PTK2: variants seen among roughly 807,000 people sequenced by gnomAD.
PTK2 encodes focal adhesion kinase 1.
In PTK2, 45 loss-of-function variants were observed where a neutral mutation model predicts 150.1. That is an observed-to-expected ratio of 0.30 (90% CI 0.24 to 0.38). The LOEUF (loss-of-function observed/expected upper bound fraction) is 0.38, where lower values mean the gene tolerates loss of function less well. PTK2 is among the 10% of genes least tolerant of loss of function. The probability of loss-of-function intolerance (pLI) is 1.00; values close to 1 mark genes in which losing one functional copy is unlikely to be tolerated. For synonymous variants in PTK2, 432 were observed against 449.2 expected (o/e 0.96, Z 0.48); for missense variants, 919 against 1,307.3 (o/e 0.70, Z 4.58).
intron 14 of PTK2, among the ~76,000 whole-genome samples, chr8:140,784,762 A>G (rs1018978405): frequency 3.3e-5 from 5 of 152,234 alleles, no homozygotes; most frequent in Non-Finnish European, 5.9e-5. Context: ...TCAGAACAAT[A>G]CAGGCAGGGA....
At chr8:140,937,598 A>C (rs1015077921) in intron 1 of PTK2, among the ~76,000 whole-genome samples, 27 of 151,776 alleles carry the variant, frequency 1.8e-4, no homozygotes, top group African/African-American at 3.1e-4. Flanking sequence ...AAAAAAAAAA[A>C]ACACAAAAAA....
At chr8:140,755,111 T>C (rs1156929801) in intron 16 of PTK2, among the ~76,000 whole-genome samples, 4 of 152,124 alleles carry the variant, frequency 2.6e-5, no homozygotes, top group African/African-American at 9.6e-5. Context: ...AACAAATAAA[T>C]GTAGAAAAAA....
chr8:140,757,112 T>C (rs2100066310), intron 16 of PTK2, among the ~76,000 whole-genome samples: 1 of 152,246 alleles, frequency 6.6e-6, no homozygotes, highest in African/African-American at 2.4e-5. Context: ...CTAACCCTGC[T>C]ATTACCTGTG....
intron 3 of PTK2, among the ~76,000 whole-genome samples, chr8:140,880,368 T>C (rs1463734883): frequency 6.6e-6 from 1 of 152,192 alleles, no homozygotes; most frequent in Non-Finnish European, 1.5e-5. Flanking sequence ...ACAGGTTAAG[T>C]GTTAGAACTG....
At chr8:140,996,350 G>C (rs2100197793) in intron 1 of PTK2, among the ~76,000 whole-genome samples, 1 of 152,220 alleles carries the variant, frequency 6.6e-6, no homozygotes, top group South Asian at 2.1e-4. Flanking sequence ...AGCAGCAAGT[G>C]CTGGTGGAGA....
chr8:140,945,484 G>A (rs1586630493), intron 1 of PTK2, among the ~76,000 whole-genome samples: 1 of 152,216 alleles, frequency 6.6e-6, no homozygotes, highest in Non-Finnish European at 1.5e-5. Context: ...TACTTGGGAG[G>A]TTGAGGCAGG....
intron 17 of PTK2, among the ~76,000 whole-genome samples, chr8:140,748,248 C>T (rs1174930028): frequency 6.6e-6 from 1 of 152,158 alleles, no homozygotes; most frequent in Non-Finnish European, 1.5e-5. Context: ...AATCCCAGCA[C>T]TTTGGGAGGC....
chr8:140,992,509 C>A (rs2100196119), intron 1 of PTK2, among the ~76,000 whole-genome samples: 1 of 152,076 alleles, frequency 6.6e-6, no homozygotes, highest in African/African-American at 2.4e-5. Flanking sequence ...GAACACCACC[C>A]TCAGTGTTTG....
intron 22 of PTK2, 158 bp from the exon 26 acceptor site, chr8:140,717,867 T>G (rs2100040682): frequency 1.8e-6 from 1 of 557,898 alleles, no homozygotes; most frequent in Non-Finnish European, 3.2e-6. Context: ...GGTTTCTAAC[T>G]CTCCACGAAA....
At chr8:140,976,445 C>G (rs1222764165) in intron 1 of PTK2, among the ~76,000 whole-genome samples, 1 of 152,214 alleles carries the variant, frequency 6.6e-6, no homozygotes, top group African/African-American at 2.4e-5. Flanking sequence ...AGAATAACCA[C>G]AAGCTAAAAA....
intron 2 of PTK2, among the ~76,000 whole-genome samples, chr8:140,893,347 C>G (rs1234029098): frequency 6.6e-6 from 1 of 152,148 alleles, no homozygotes; most frequent in Non-Finnish European, 1.5e-5. Context: ...TGAATGGTCA[C>G]AGCAGCATTA....
chr8:140,665,892 T>C (rs190192137), intron 30 of PTK2, among the ~76,000 whole-genome samples: 28 of 152,370 alleles, frequency 1.8e-4, no homozygotes, highest in Non-Finnish European at 1.5e-5. Flanking sequence ...TTAAGAACTT[T>C]GGTTAAAACT....
Position 140,757,901 on chromosome 8 carries a change from G to A in PTK2, c.1332+3264C>T, listed in dbSNP as rs193081414. ...GAAATCAAATTTCTTATGTGATCATGGTGATGCTGGTGTAAACAAATTTAC... is the reference window on the plus strand; with the variant it reads ...GAAATCAAATTTCTTATGTGATCATAGTGATGCTGGTGTAAACAAATTTAC... On this transcript the variant is annotated intron_variant, in intron 16 of 31. Transcript: ENST00000522684. Among the ~76,000 whole-genome samples the A allele has an allele frequency of 7.9e-5, 12 of 152,276 alleles. No homozygotes were observed. In the East Asian group the frequency reaches 2.1e-3, roughly 27 times the overall value.
At chr8:140,887,891 A>G (rs905861964) in intron 3 of PTK2, among the ~76,000 whole-genome samples, 1 of 152,228 alleles carries the variant, frequency 6.6e-6, no homozygotes, top group Non-Finnish European at 1.5e-5. Context: ...GCCACATTCA[A>G]GTGCTCAACA....
exon 26 of PTK2, chr8:140,700,942 T>C (rs759968875): frequency 1.2e-6 from 2 of 1,613,882 alleles, no homozygotes; most frequent in South Asian, 1.1e-5. Flanking sequence ...CCATTTCCTG[T>C]TGCTGTCGGA....
intron 22 of PTK2, among the ~76,000 whole-genome samples, chr8:140,734,434 T>C (rs1159549585): frequency 2.0e-5 from 3 of 152,196 alleles, no homozygotes; most frequent in East Asian, 1.9e-4. Flanking sequence ...GGTTCTAAGC[T>C]TGGCATTGGG....
intron 7 of PTK2, among the ~76,000 whole-genome samples, chr8:140,843,729 T>G (rs760642715): frequency 6.6e-6 from 1 of 151,852 alleles, no homozygotes; most frequent in Non-Finnish European, 1.5e-5. Context: ...TACAATAGTT[T>G]TAGATTTACA....
At chr8:140,842,170 G>T (rs552925663) in intron 7 of PTK2, among the ~76,000 whole-genome samples, 31 of 152,154 alleles carry the variant, frequency 2.0e-4, no homozygotes, top group African/African-American at 7.0e-4. Flanking sequence ...TATGATGGTG[G>T]TTATCAGTGA....
chr8:140,676,931 G>C (rs1401066206), intron 27 of PTK2, among the ~76,000 whole-genome samples: 1 of 120,322 alleles, frequency 8.3e-6, no homozygotes, highest in African/African-American at 3.3e-5. Flanking sequence ...ACAACAGAGG[G>C]AGACTCCATC....
Sources: gnomAD v4.1 joint callset for allele counts (sites outside exome capture counted in the v4.1 genomes callset) on GRCh38, gnomAD v4.1.1 for gene constraint, MANE v1.5 for transcripts, NCBI Gene and HGNC (gene_info 2026-07-23, HGNC 2026-07-21) for gene names.